Variants in ALCAM observed in about 807,000 individuals in gnomAD.
The protein encoded by ALCAM is CD166 antigen.
In ALCAM, 30 loss-of-function variants were observed where a neutral mutation model predicts 70.9. The ratio of observed to expected loss-of-function variants is 0.42; its 90% confidence interval spans 0.32 to 0.57. ALCAM has a LOEUF of 0.57. Among genes scored for constraint, ALCAM ranks in the 20% least tolerant of loss-of-function variants. The probability of loss-of-function intolerance (pLI) is 0.11; values close to 1 mark genes in which losing one functional copy is unlikely to be tolerated. For synonymous variants in ALCAM, 249 were observed against 242.5 expected, an observed-to-expected ratio of 1.03 and a Z score of -0.25; for missense variants, 591 against 695.1, an observed-to-expected ratio of 0.85 and a Z score of 1.68.
At chr3:105,446,112 GAACTC>G (rs1029215771) in intron 1 of ALCAM, among the ~76,000 whole-genome samples, 9 of 151,956 alleles carry the variant, frequency 5.9e-5, no homozygotes, top group Non-Finnish European at 8.8e-5. Context: ...AATATATCAG[GAACTC>G]AACTCAATAG....
intron 1 of ALCAM, among the ~76,000 whole-genome samples, chr3:105,457,971 A>G (rs990798268): frequency 6.6e-6 from 1 of 152,070 alleles, no homozygotes; most frequent in African/African-American, 2.4e-5. Flanking sequence ...AAGCTCCTCA[A>G]TGGAGCTTTC....
At chr3:105,548,675 A>G (rs1382248907) in intron 11 of ALCAM, among the ~76,000 whole-genome samples, 4 of 151,322 alleles carry the variant, frequency 2.6e-5, no homozygotes, top group South Asian at 2.1e-4. Flanking sequence ...ATGACTCCTG[A>G]TTTGGTTAAG....
chr3:105,375,362 T>C (rs1285760583), intron 1 of ALCAM, among the ~76,000 whole-genome samples: 2 of 152,208 alleles, frequency 1.3e-5, no homozygotes, highest in Non-Finnish European at 2.9e-5. Context: ...CTTGGAGTAC[T>C]TCACTGTGAT....
At chr3:105,514,363 A>G (rs1361979834) in intron 1 of ALCAM, among the ~76,000 whole-genome samples, 1 of 151,948 alleles carries the variant, frequency 6.6e-6, no homozygotes. Context: ...TTAGGTAGAG[A>G]TGGGGTAAAG....
Position 105,435,915 on chromosome 3 carries a change from C to T in ALCAM, c.73+68434C>T, listed in dbSNP as rs185755592. Among the ~76,000 whole-genome samples, 15 of 152,082 alleles carry T rather than the reference C, an allele frequency of 9.9e-5. No individual in the cohort carries two copies. In the East Asian group the frequency reaches 1.5e-3, roughly 16 times the overall value. ...ACGCCATTCTCCTGCCTCAGCCTCCCGAAAAAGAGGTTTAATGGACTTAAC... is the reference window on the plus strand; with the variant it reads ...ACGCCATTCTCCTGCCTCAGCCTCCTGAAAAAGAGGTTTAATGGACTTAAC... On this transcript the variant is annotated intron_variant, in intron 1 of 15. Transcript: ENST00000306107.
intron 1 of ALCAM, among the ~76,000 whole-genome samples, chr3:105,469,564 G>A (rs1262970458): frequency 6.6e-6 from 1 of 151,026 alleles, no homozygotes; most frequent in African/African-American, 2.4e-5. Context: ...GGTGAGTTTG[G>A]GTGAGTTTCT....
intron 3 of ALCAM, among the ~76,000 whole-genome samples, chr3:105,526,236 A>G (rs188206990): frequency 2.6e-5 from 4 of 152,024 alleles, no homozygotes; most frequent in Non-Finnish European, 4.4e-5. Context: ...GAGAAAATTC[A>G]GTTTGTTTCA....
At chr3:105,375,915 G>A (rs771146119) in intron 1 of ALCAM, among the ~76,000 whole-genome samples, 12 of 152,134 alleles carry the variant, frequency 7.9e-5, no homozygotes, top group East Asian at 1.9e-4. Flanking sequence ...CGCTTATCGC[G>A]GAAACTTTGA....
At chr3:105,406,054 ATAT>A (rs1448225066) in intron 1 of ALCAM, among the ~76,000 whole-genome samples, 2 of 152,174 alleles carry the variant, frequency 1.3e-5, no homozygotes, top group Non-Finnish European at 2.9e-5. Flanking sequence ...TTTCTAGGCT[ATAT>A]GTCTATGTGT....
intron 1 of ALCAM, among the ~76,000 whole-genome samples, chr3:105,473,601 T>G (rs1279163261): frequency 2.0e-5 from 3 of 151,622 alleles, no homozygotes. Flanking sequence ...ATGACAGGTT[T>G]CATACAATGT....
chr3:105,533,932 T>C (rs904638754), intron 5 of ALCAM, among the ~76,000 whole-genome samples: 6 of 152,138 alleles, frequency 3.9e-5, no homozygotes, highest in African/African-American at 1.4e-4. Context: ...AAAATAATTA[T>C]GCAACTCACC....
intron 1 of ALCAM, among the ~76,000 whole-genome samples, chr3:105,448,468 G>A (rs553085646): frequency 6.7e-6 from 1 of 150,026 alleles, no homozygotes; most frequent in South Asian, 2.1e-4. Context: ...GTAACATCTT[G>A]CCTCTATACA....
At chr3:105,493,518 A>C (rs554102872) in intron 1 of ALCAM, among the ~76,000 whole-genome samples, 4 of 152,284 alleles carry the variant, frequency 2.6e-5, no homozygotes, top group African/African-American at 7.2e-5. Flanking sequence ...GGCTCAACCT[A>C]ATTACATGAG....
At chr3:105,531,523 ATT>A (rs11337024) in intron 3 of ALCAM, 61 of 151,434 alleles carry the variant, frequency 4.0e-4, no homozygotes, top group African/African-American at 6.1e-4. Flanking sequence ...GAGTTATGGG[ATT>A]TTTTTTTTTC....
chr3:105,430,033 G>A (rs1936888514), intron 1 of ALCAM, among the ~76,000 whole-genome samples: 1 of 151,864 alleles, frequency 6.6e-6, no homozygotes, highest in Non-Finnish European at 1.5e-5. Flanking sequence ...CTATGCAGTA[G>A]AGCAATGTAT....
chr3:105,529,180 A>G (rs1001684013), intron 3 of ALCAM, among the ~76,000 whole-genome samples: 6 of 152,218 alleles, frequency 3.9e-5, no homozygotes, highest in African/African-American at 1.2e-4. Flanking sequence ...AAACAAAGGC[A>G]TGATTTTTCC....
Position 105,550,117 on chromosome 3 carries a change from C to A in ALCAM, c.1375-10C>A. On this transcript the variant is annotated splice_polypyrimidine_tract_variant and intron_variant, in intron 11 of 15. Coordinates refer to ENST00000306107, the MANE Select transcript of ALCAM (RefSeq NM_001627.4). Reference sequence around the variant, plus strand: ...GATTTCTAAACCCACCTTTTTTCTTCTTTTTCCAGACAGAGGAATCTCCTT... The same window carrying A: ...GATTTCTAAACCCACCTTTTTTCTTATTTTTCCAGACAGAGGAATCTCCTT... 1.9e-6 allele frequency: 3 copies of A among 1,570,468 alleles called. No homozygotes were observed. The highest frequency in any genetic ancestry group is 2.6e-6 in the Non-Finnish European group (3 of 1,152,782).
At chr3:105,496,587 G>T (rs886642860) in intron 1 of ALCAM, among the ~76,000 whole-genome samples, 1 of 152,068 alleles carries the variant, frequency 6.6e-6, no homozygotes, top group Non-Finnish European at 1.5e-5. Flanking sequence ...TGGACTTGTC[G>T]TACCAGTCAC....
At chr3:105,536,453 G>T (rs1939973059) in intron 6 of ALCAM, among the ~76,000 whole-genome samples, 1 of 152,112 alleles carries the variant, frequency 6.6e-6, no homozygotes, top group Admixed American at 6.6e-5. Context: ...GTAAGTGTAG[G>T]TGTACAACAC....
Sources: allele counts gnomAD v4.1 joint callset (sites outside exome capture counted in the v4.1 genomes callset), GRCh38; gene constraint gnomAD v4.1.1; transcripts MANE v1.5; gene names NCBI Gene and HGNC (gene_info 2026-07-23, HGNC 2026-07-21).